The following FMN1 variants were observed in gnomAD, a reference collection of about 807,000 sequenced individuals.
The protein encoded by FMN1 is formin-1.
A neutral mutation model predicts 132.4 loss-of-function variants in FMN1; 110 were observed. The observed-to-expected ratio is 0.83, with a 90% CI of 0.71 to 0.97. The LOEUF (loss-of-function observed/expected upper bound fraction) is 0.97, where lower values mean the gene tolerates loss of function less well. Among genes scored for constraint, FMN1 ranks in the 50% least tolerant of loss-of-function variants. FMN1 has a pLI of 0.00. For missense variants in FMN1, 1,792 were observed against 1,705.3 expected (o/e 1.05, Z -0.90); for synonymous variants, 722 against 651.7 (o/e 1.11, Z -1.64).
intron 7 of FMN1, among the ~76,000 whole-genome samples, chr15:32,970,232 G>A (rs1010691834): frequency 6.6e-6 from 1 of 152,172 alleles, no homozygotes; most frequent in Non-Finnish European, 1.5e-5. Context: ...TTAGCACAGA[G>A]CTAGTGTACT....
At chr15:33,064,613 G>T in intron 6 of FMN1, 1 of 182,168 alleles carries the variant, frequency 5.5e-6, no homozygotes, top group Non-Finnish European at 1.1e-5. Flanking sequence ...ACCATACTCT[G>T]CCTCTTCTAG....
intron 4 of FMN1, among the ~76,000 whole-genome samples, chr15:33,108,892 C>G (rs1438506635): frequency 6.6e-6 from 1 of 152,090 alleles, no homozygotes; most frequent in Non-Finnish European, 1.5e-5. Flanking sequence ...TGTCAGTGAC[C>G]TCAGCCTACA....
At chr15:33,060,421 C>T (rs530870161) in intron 6 of FMN1, among the ~76,000 whole-genome samples, 4 of 152,146 alleles carry the variant, frequency 2.6e-5, no homozygotes, top group South Asian at 2.1e-4. Context: ...TTTATAATGA[C>T]GTAAATTAAA....
chr15:33,157,828 A>C (rs1425009566), intron 3 of FMN1, among the ~76,000 whole-genome samples: 1 of 151,954 alleles, frequency 6.6e-6, no homozygotes, highest in East Asian at 1.9e-4. Context: ...TTGTTTCCAC[A>C]AAAAAAGAGA....
intron 6 of FMN1, among the ~76,000 whole-genome samples, chr15:33,024,143 C>G (rs1478197485): frequency 6.8e-6 from 1 of 147,814 alleles, no homozygotes; most frequent in East Asian, 2.1e-4. Context: ...AACATATAAA[C>G]ATACAAAAAG....
At chr15:33,076,602 A>G (rs1464769394) in intron 5 of FMN1, among the ~76,000 whole-genome samples, 3 of 152,140 alleles carry the variant, frequency 2.0e-5, no homozygotes, top group Admixed American at 6.5e-5. Flanking sequence ...TCTTTATGCA[A>G]GTTTTCTTGC....
intron 7 of FMN1, among the ~76,000 whole-genome samples, chr15:32,987,710 A>G (rs1425454820): frequency 6.6e-6 from 1 of 152,130 alleles, no homozygotes; most frequent in Non-Finnish European, 1.5e-5. Context: ...TCACTTTTTT[A>G]TATTTGTCTC....
chr15:33,101,262 G>A (rs1395849377), intron 4 of FMN1, among the ~76,000 whole-genome samples: 2 of 152,152 alleles, frequency 1.3e-5, no homozygotes, highest in Non-Finnish European at 2.9e-5. Flanking sequence ...ATTTCAAGAT[G>A]TGCAAGTTGA....
chr15:33,023,761 A>C (rs1021192740), intron 6 of FMN1, among the ~76,000 whole-genome samples: 2 of 152,230 alleles, frequency 1.3e-5, no homozygotes, highest in Admixed American at 1.3e-4. Context: ...AAAAGGAAGC[A>C]TATAAATAAA....
At chr15:33,075,814 G>C (rs2038185982) in intron 5 of FMN1, among the ~76,000 whole-genome samples, 2 of 152,158 alleles carry the variant, frequency 1.3e-5, no homozygotes, top group South Asian at 4.2e-4. Flanking sequence ...GCAAGCCTGG[G>C]TCCTCCATAG....
intron 10 of FMN1, among the ~76,000 whole-genome samples, chr15:32,924,551 C>A (rs1165357865): frequency 6.6e-6 from 1 of 152,160 alleles, no homozygotes; most frequent in East Asian, 1.9e-4. Context: ...CACTGTGAAA[C>A]TCATACTAAA....
intron 5 of FMN1, among the ~76,000 whole-genome samples, chr15:33,074,792 G>C (rs886246664): frequency 1.3e-5 from 2 of 151,906 alleles, no homozygotes; most frequent in Non-Finnish European, 2.9e-5. Flanking sequence ...GAGGCAGGCG[G>C]ATCACTTGAG....
chr15:32,875,635 A>G (rs2059618780), intron 16 of FMN1, among the ~76,000 whole-genome samples: 1 of 152,180 alleles, frequency 6.6e-6, no homozygotes, highest in Admixed American at 6.5e-5. Context: ...TCTACGAGAG[A>G]TAAGGATATT....
chr15:32,863,772 A>T (rs1007023838), intron 16 of FMN1, among the ~76,000 whole-genome samples: 1 of 152,212 alleles, frequency 6.6e-6, no homozygotes, highest in Admixed American at 6.5e-5. Flanking sequence ...ACGTGGTTAG[A>T]AAAAGTGAAT....
At chr15:32,945,783 G>C (rs761690178) in intron 9 of FMN1, among the ~76,000 whole-genome samples, 2 of 150,752 alleles carry the variant, frequency 1.3e-5, no homozygotes, top group African/African-American at 4.9e-5. Flanking sequence ...CAGCAAGAGT[G>C]AGCACCCCTA....
rs1021650882 is a variant in FMN1, at chr15:33,122,424, G to C, written c.1867+30624C>G. The stretch of plus-strand genomic sequence containing the variant: ...TGGGAAAGTAAGGTAGGTCAGAGTA[G>C]GTTTTATAAAATTAGTATTGGCTTT... On this transcript the variant is annotated intron_variant, in intron 4 of 20. Coordinates refer to ENST00000616417, the MANE Select transcript of FMN1 (RefSeq NM_001277313.2). Among the ~76,000 whole-genome samples the C allele has an allele frequency of 1.4e-4, 22 of 152,152 alleles. 1 individual carries two copies. The highest frequency in any genetic ancestry group is 2.9e-5 in the Non-Finnish European group (2 of 68,028).
At chr15:32,927,677 T>C (rs2060996152) in intron 9 of FMN1, among the ~76,000 whole-genome samples, 1 of 152,226 alleles carries the variant, frequency 6.6e-6, no homozygotes, top group Non-Finnish European at 1.5e-5. Context: ...CATAGTTTTG[T>C]GTTTCTCTAC....
chr15:32,922,285 T>G (rs2060847243), intron 10 of FMN1, among the ~76,000 whole-genome samples: 1 of 152,198 alleles, frequency 6.6e-6, no homozygotes. Flanking sequence ...ATAGAATACA[T>G]GGCATTCTGA....
intron 17 of FMN1, among the ~76,000 whole-genome samples, chr15:32,843,956 T>C (rs955048779): frequency 3.9e-5 from 6 of 152,204 alleles, no homozygotes; most frequent in African/African-American, 1.4e-4. Context: ...CAAATACACA[T>C]TTTTAATTTT....
Sources: allele counts gnomAD v4.1 joint callset (sites outside exome capture counted in the v4.1 genomes callset), GRCh38; gene constraint gnomAD v4.1.1; transcripts MANE v1.5; gene names NCBI Gene and HGNC (gene_info 2026-07-23, HGNC 2026-07-21).